Variants in CLYBL observed in about 807,000 individuals in gnomAD.
CLYBL encodes citramalyl-CoA lyase.
CLYBL carries 31 observed loss-of-function variants against 38.9 expected under a neutral mutation model. The ratio of observed to expected loss-of-function variants is 0.80; its 90% confidence interval spans 0.60 to 1.08. CLYBL has a LOEUF of 1.08. Ranked by LOEUF, CLYBL falls within the 50% of genes least tolerant of loss-of-function variation. The pLI, the probability that CLYBL is intolerant of heterozygous loss-of-function variation, is 0.00. For synonymous variants in CLYBL, 171 were observed against 158.6 expected, an observed-to-expected ratio of 1.08 and a Z score of -0.59; for missense variants, 434 against 411.6, an observed-to-expected ratio of 1.05 and a Z score of -0.47.
intron 2 of CLYBL, among the ~76,000 whole-genome samples, chr13:99,846,019 T>A (rs55679088): frequency 1.3e-5 from 2 of 149,338 alleles, no homozygotes; most frequent in East Asian, 2.0e-4. Context: ...CTTTGGGAAA[T>A]AATTAGGAAG....
chr13:99,690,824 A>G (rs1291470176), intron 1 of CLYBL: 1 of 152,236 alleles, frequency 6.6e-6, no homozygotes, highest in Non-Finnish European at 1.5e-5. Flanking sequence ...CATACTTCTG[A>G]CATTTTCCCT....
intron 1 of CLYBL, among the ~76,000 whole-genome samples, chr13:99,748,778 C>G (rs2048903243): frequency 6.6e-6 from 1 of 152,074 alleles, no homozygotes; most frequent in Admixed American, 6.5e-5. Context: ...CTGTAGGCAC[C>G]TCATGGAAGT....
At chr13:99,845,262 A>T (rs2051173292) in intron 2 of CLYBL, among the ~76,000 whole-genome samples, 1 of 152,224 alleles carries the variant, frequency 6.6e-6, no homozygotes, top group Admixed American at 6.5e-5. Context: ...TGGTGTCTGC[A>T]CAGAGAAGGC....
chr13:99,682,643 G>A (rs2047753655), intron 1 of CLYBL, among the ~76,000 whole-genome samples: 2 of 152,026 alleles, frequency 1.3e-5, no homozygotes, highest in African/African-American at 4.8e-5. Flanking sequence ...CACTACTGTA[G>A]ACTTTGTAAA....
intron 7 of CLYBL, among the ~76,000 whole-genome samples, chr13:99,877,850 G>A (rs532462788): frequency 2.6e-5 from 4 of 152,168 alleles, no homozygotes; most frequent in Non-Finnish European, 5.9e-5. Context: ...GGGATTACAG[G>A]CGTAAGCCAC....
At chr13:99,872,507 GCCCACGCATA>G (rs1313600953) in intron 7 of CLYBL, among the ~76,000 whole-genome samples, 3 of 152,048 alleles carry the variant, frequency 2.0e-5, no homozygotes, top group African/African-American at 7.2e-5. Context: ...TTGCATACCT[GCCCACGCATA>G]CCCACACCGA....
chr13:99,877,878 T>A (rs1016061485), intron 7 of CLYBL, among the ~76,000 whole-genome samples: 10 of 152,084 alleles, frequency 6.6e-5, no homozygotes, highest in African/African-American at 2.2e-4. Flanking sequence ...AGCCCAGAAT[T>A]TTGTAGTTCT....
intron 1 of CLYBL, among the ~76,000 whole-genome samples, chr13:99,682,203 G>A (rs2047745859): frequency 1.3e-5 from 2 of 151,872 alleles, no homozygotes; most frequent in South Asian, 4.1e-4. Context: ...GAATGCAGTG[G>A]CGCAGTCTCG....
intron 1 of CLYBL, among the ~76,000 whole-genome samples, chr13:99,619,261 T>A (rs2046759144): frequency 6.6e-6 from 1 of 152,166 alleles, no homozygotes; most frequent in Non-Finnish European, 1.5e-5. Flanking sequence ...GAGAGAGTTT[T>A]CCAGTCTTGC....
At chr13:99,897,328 TC>T (rs1296667771), downstream of CLYBL, among the ~76,000 whole-genome samples, 3 of 152,098 alleles carry the variant, frequency 2.0e-5, no homozygotes, top group Non-Finnish European at 4.4e-5. Flanking sequence ...CTGGCCCCAT[TC>T]CCCCTTTGCT....
At chr13:99,692,249 T>C (rs1437950760) in intron 1 of CLYBL, among the ~76,000 whole-genome samples, 1 of 152,016 alleles carries the variant, frequency 6.6e-6, no homozygotes, top group Non-Finnish European at 1.5e-5. Context: ...TATTGAGACA[T>C]AGTTCAGCTC....
intron 1 of CLYBL, among the ~76,000 whole-genome samples, chr13:99,648,620 A>C (rs943084158): frequency 6.6e-6 from 1 of 152,232 alleles, no homozygotes; most frequent in African/African-American, 2.4e-5. Context: ...AGCATAAGAA[A>C]TCATCATAAG....
chr13:99,675,384 CTATT>C (rs1342508703), intron 1 of CLYBL, among the ~76,000 whole-genome samples: 2 of 152,084 alleles, frequency 1.3e-5, no homozygotes, highest in Non-Finnish European at 2.9e-5. Context: ...TACAGTTCAC[CTATT>C]TAAAGTATAC....
chr13:99,846,810 T>C (rs1018097806), intron 2 of CLYBL, among the ~76,000 whole-genome samples: 1 of 152,172 alleles, frequency 6.6e-6, no homozygotes, highest in African/African-American at 2.4e-5. Flanking sequence ...AGAAGTGTTG[T>C]AGAAGCAGTT....
chr13:99,849,938 A>AAATAC lies in CLYBL; in HGVS notation c.250-8920_250-8916dup, dbSNP rs530845994. 1.7e-4 allele frequency among the ~76,000 whole-genome samples: 26 copies of AAATAC among 152,328 alleles called. No individual in the cohort carries two copies. The East Asian group carries it at 4.6e-3, about 27-fold the overall frequency. Reference sequence around the variant, plus strand: ...TATTTTGTTGAAAAATAAGGTGTGAAAATACAAAACAAAAATATCACGATC... The same window carrying AAATAC: ...TATTTTGTTGAAAAATAAGGTGTGAAAATACAATACAAAACAAAAATATCACGATC... On this transcript the variant is annotated intron_variant, in intron 2 of 8. Transcript: ENST00000339105. The surrounding 1 kb of genome is among the most constrained non-coding windows in gnomAD (Gnocchi z 4.9).
chr13:99,897,317 C>T (rs1367009418), downstream of CLYBL, among the ~76,000 whole-genome samples: 4 of 152,202 alleles, frequency 2.6e-5, no homozygotes, highest in East Asian at 7.7e-4. Flanking sequence ...CACACTCCAT[C>T]CTGGCCCCAT....
intron 2 of CLYBL, among the ~76,000 whole-genome samples, chr13:99,835,358 C>T (rs534008421): frequency 2.6e-4 from 40 of 152,340 alleles, no homozygotes; most frequent in African/African-American, 9.4e-4. Context: ...ACCCACGTTG[C>T]GTCTGCCCTG....
At chr13:99,684,035 A>ATTTTTTTTTTTTTTTT (rs778902077) in intron 1 of CLYBL, among the ~76,000 whole-genome samples, 4 of 86,378 alleles carry the variant, frequency 4.6e-5, no homozygotes, top group Non-Finnish European at 8.8e-5. Flanking sequence ...TGCCTGGCTA[A>ATTTTTTTTTTTTTTTT]TTTTTTTTTT....
chr13:99,870,996 C>T lies in CLYBL; in HGVS notation c.861C>T (p.Ser287=). The change falls in exon 7 of 9, where the codon TCC becomes TCT. Residue 287 remains serine, a synonymous_variant. Transcript: ENST00000339105. ...TGGTCCAGGAGCAGTTTTCTCCTTC[C>T]CCTGAAAAAATTAAGTGGGCTGAAG... ...IAVVQEQFSP[S]PEKIKWAEEL... is the part of the protein sequence containing the mutation. 1.2e-6 allele frequency: 2 copies of T among 1,613,612 alleles called. No homozygotes were observed. The highest frequency in any genetic ancestry group is 1.7e-6 in the Non-Finnish European group (2 of 1,179,726).
Sources: allele counts gnomAD v4.1 joint callset (sites outside exome capture counted in the v4.1 genomes callset), GRCh38; gene constraint gnomAD v4.1.1; non-coding constraint Gnocchi (gnomAD v3.1); transcripts MANE v1.5; gene names NCBI Gene and HGNC (gene_info 2026-07-23, HGNC 2026-07-21).